LRMDA: variants seen among roughly 807,000 people sequenced by gnomAD.
LRMDA encodes leucine-rich melanocyte differentiation-associated protein.
In LRMDA, 18 loss-of-function variants were observed where a neutral mutation model predicts 29.8. The ratio of observed to expected loss-of-function variants is 0.60; its 90% confidence interval spans 0.42 to 0.90. The LOEUF is 0.90. LRMDA is among the 40% of genes least tolerant of loss of function. The probability of loss-of-function intolerance (pLI) is 0.00; values close to 1 mark genes in which losing one functional copy is unlikely to be tolerated. For missense variants in LRMDA, 273 were observed against 273.9 expected, an observed-to-expected ratio of 1.00 and a Z score of 0.02; for synonymous variants, 125 against 109.4, an observed-to-expected ratio of 1.14 and a Z score of -0.89.
intron 6 of LRMDA, among the ~76,000 whole-genome samples, chr10:76,518,471 A>G (rs916782634): frequency 1.2e-4 from 19 of 152,152 alleles, no homozygotes; most frequent in African/African-American, 4.6e-4. Flanking sequence ...CTAAGTTTGT[A>G]TGTACCTGTT....
chr10:75,896,680 A>G (rs1379107814), intron 2 of LRMDA, among the ~76,000 whole-genome samples: 1 of 152,230 alleles, frequency 6.6e-6, no homozygotes, highest in Non-Finnish European at 1.5e-5. Flanking sequence ...GGCACAGCAC[A>G]TAGGTTACAG....
intron 2 of LRMDA, among the ~76,000 whole-genome samples, chr10:75,462,362 G>A (rs918399309): frequency 1.3e-5 from 2 of 152,194 alleles, no homozygotes; most frequent in Non-Finnish European, 2.9e-5. Context: ...TTACATCAGC[G>A]GCAGGTGTAG....
chr10:75,905,096 C>G (rs1430223127), intron 2 of LRMDA, among the ~76,000 whole-genome samples: 2 of 152,132 alleles, frequency 1.3e-5, no homozygotes, highest in South Asian at 2.1e-4. Flanking sequence ...ATTCTGGTAG[C>G]CTTCAGTTGT....
intron 2 of LRMDA, among the ~76,000 whole-genome samples, chr10:75,618,837 C>A (rs1477202643): frequency 1.3e-5 from 2 of 149,270 alleles, no homozygotes; most frequent in South Asian, 4.2e-4. Context: ...AGTGCAATGG[C>A]ATGATCTTGG....
chr10:76,064,910 G>A (rs1848758628), intron 5 of LRMDA, among the ~76,000 whole-genome samples: 1 of 152,050 alleles, frequency 6.6e-6, no homozygotes, highest in Admixed American at 6.5e-5. Context: ...ACCTGAATGT[G>A]CTCATGTTTT....
rs1020298152 is a variant in LRMDA, at chr10:75,629,319, T to C, written c.131+190825T>C. The stretch of plus-strand genomic sequence containing the variant: ...AATATAAATGATGAATTGTAGGTTT[T>C]CTTTCCCCAATCTTTTCTTTTTTCT... On this transcript the variant is annotated intron_variant, in intron 2 of 6. Transcript: ENST00000611255. 5.3e-4 allele frequency among the ~76,000 whole-genome samples: 80 copies of C among 152,354 alleles called. 1 individual carries two copies. The highest frequency in any genetic ancestry group is 1.5e-5 in the Non-Finnish European group (1 of 68,034).
chr10:75,726,638 A>G (rs1297232809), intron 2 of LRMDA, among the ~76,000 whole-genome samples: 1 of 152,134 alleles, frequency 6.6e-6, no homozygotes, highest in African/African-American at 2.4e-5. Flanking sequence ...CAGTGGTAAA[A>G]CTCATGATAC....
At chr10:75,769,724 G>T (rs761892404) in intron 2 of LRMDA, among the ~76,000 whole-genome samples, 1 of 151,752 alleles carries the variant, frequency 6.6e-6, no homozygotes, top group Non-Finnish European at 1.5e-5. Flanking sequence ...ATTTGTTTTC[G>T]ATTGCTTATG....
intron 5 of LRMDA, among the ~76,000 whole-genome samples, chr10:76,237,462 G>A (rs1182861517): frequency 6.6e-6 from 1 of 152,154 alleles, no homozygotes; most frequent in Non-Finnish European, 1.5e-5. Context: ...GTGATAAGAT[G>A]TAGATTAGAG....
intron 2 of LRMDA, among the ~76,000 whole-genome samples, chr10:75,445,620 T>C (rs1844383938): frequency 6.6e-6 from 1 of 152,238 alleles, no homozygotes; most frequent in Admixed American, 6.5e-5. Flanking sequence ...TTTAATGAAC[T>C]GTTCCAGCTT....
intron 2 of LRMDA, among the ~76,000 whole-genome samples, chr10:75,841,370 G>A (rs1267492229): frequency 1.3e-5 from 2 of 152,170 alleles, no homozygotes. Context: ...TTGTCTGTGT[G>A]AATGATTGCC....
chr10:76,441,096 A>T (rs1842297687), intron 6 of LRMDA, among the ~76,000 whole-genome samples: 1 of 151,928 alleles, frequency 6.6e-6, no homozygotes, highest in East Asian at 1.9e-4. Context: ...CTTCTTCATT[A>T]TTTACAGAGG....
intron 6 of LRMDA, among the ~76,000 whole-genome samples, chr10:76,370,233 A>G (rs1841437814): frequency 6.6e-6 from 1 of 152,092 alleles, no homozygotes; most frequent in South Asian, 2.1e-4. Context: ...AAAATTATAT[A>G]AGGGTAAAAA....
intron 2 of LRMDA, among the ~76,000 whole-genome samples, chr10:75,820,663 A>G (rs1844141985): frequency 6.6e-6 from 1 of 152,248 alleles, no homozygotes; most frequent in Non-Finnish European, 1.5e-5. Context: ...GAAATAACAA[A>G]GATCAGAGCA....
chr10:76,399,801 T>TA (rs984728266), intron 6 of LRMDA, among the ~76,000 whole-genome samples: 1 of 152,242 alleles, frequency 6.6e-6, no homozygotes, highest in African/African-American at 2.4e-5. Context: ...CTGTGAATTA[T>TA]ACCACTTGAA....
chr10:75,872,916 A>AG (rs1845137840), intron 2 of LRMDA, among the ~76,000 whole-genome samples: 1 of 152,176 alleles, frequency 6.6e-6, no homozygotes, highest in Non-Finnish European at 1.5e-5. Context: ...AAGTGTATTC[A>AG]GGGCAAGGCT....
intron 5 of LRMDA, among the ~76,000 whole-genome samples, chr10:76,159,390 G>A (rs12251359): frequency 0.04 from 6,136 of 152,190 alleles, 341 homozygotes; most frequent in African/African-American, 0.13. Flanking sequence ...CACCAAATGC[G>A]GATGAGGATG....
At chr10:76,175,924 G>T (rs1267117914) in intron 5 of LRMDA, among the ~76,000 whole-genome samples, 1 of 152,186 alleles carries the variant, frequency 6.6e-6, no homozygotes, top group Non-Finnish European at 1.5e-5. Context: ...GTATGACAGA[G>T]AACAGAAACA....
chr10:75,824,045 C>T (rs1331010846), intron 2 of LRMDA, among the ~76,000 whole-genome samples: 1 of 152,050 alleles, frequency 6.6e-6, no homozygotes, highest in Non-Finnish European at 1.5e-5. Flanking sequence ...ACAGTGTGCA[C>T]TATTTGGGTG....
Sources: allele counts gnomAD v4.1 joint callset (sites outside exome capture counted in the v4.1 genomes callset), GRCh38; gene constraint gnomAD v4.1.1; transcripts MANE v1.5; gene names NCBI Gene and HGNC (gene_info 2026-07-23, HGNC 2026-07-21).